Variants in DCC observed in about 807,000 individuals in gnomAD.
The protein encoded by DCC is netrin receptor DCC.
A neutral mutation model predicts 172.5 loss-of-function variants in DCC; 58 were observed. The ratio of observed to expected loss-of-function variants is 0.34; its 90% CI spans 0.27 to 0.42. The LOEUF (loss-of-function observed/expected upper bound fraction) is 0.42. DCC is among the 10% of genes least tolerant of loss of function. The probability of loss-of-function intolerance (pLI) is 1.00; values close to 1 mark genes in which losing one functional copy is unlikely to be tolerated. For missense variants in DCC, 1,740 were observed against 1,791.0 expected (o/e 0.97, Z 0.51); for synonymous variants, 709 against 644.5 (o/e 1.10, Z -1.52).
chr18:53,242,636 A>T (rs1462020699), intron 12 of DCC, among the ~76,000 whole-genome samples: 70 of 152,294 alleles, frequency 4.6e-4, no homozygotes, highest in African/African-American at 1.7e-3. Context: ...AACCAAATAA[A>T]TGCAAGAAAG....
At chr18:52,976,410 GA>G in intron 5 of DCC, among the ~76,000 whole-genome samples, 2 of 152,196 alleles carry the variant, frequency 1.3e-5, no homozygotes, top group Admixed American at 1.3e-4. Flanking sequence ...TCTTTGTCAT[GA>G]AATATTTTCC....
In DCC at chr18:52,942,739, A is replaced by G. The variant is rs148683208; in HGVS notation, c.985+17369A>G. Among the ~76,000 whole-genome samples, 322 of 152,254 alleles carry G rather than the reference A, an allele frequency of 2.1e-3. 1 individual carries two copies. The highest frequency in any genetic ancestry group is 7.4e-3 in the African/African-American group (306 of 41,550). ...TATCTCCCGCCAGGTCCCTCCCACAACATGTAGGAATTATGGAAGTACAAT... is the reference window on the plus strand; with the variant it reads ...TATCTCCCGCCAGGTCCCTCCCACAGCATGTAGGAATTATGGAAGTACAAT... On this transcript the variant is annotated intron_variant, in intron 5 of 28. Coordinates refer to ENST00000442544, the MANE Select transcript of DCC (RefSeq NM_005215.4).
intron 1 of DCC, among the ~76,000 whole-genome samples, chr18:52,388,770 G>A (rs554818010): frequency 6.6e-6 from 1 of 152,222 alleles, no homozygotes; most frequent in South Asian, 2.1e-4. Flanking sequence ...TAGGGGATGA[G>A]TATATTTTGG....
At chr18:53,270,538 T>C (rs2056737239) in intron 12 of DCC, among the ~76,000 whole-genome samples, 1 of 152,154 alleles carries the variant, frequency 6.6e-6, no homozygotes, top group Non-Finnish European at 1.5e-5. Flanking sequence ...GATACAAATG[T>C]CAATTTGCTT....
At chr18:53,090,043 A>G (rs966346196) in intron 7 of DCC, among the ~76,000 whole-genome samples, 5 of 152,080 alleles carry the variant, frequency 3.3e-5, no homozygotes, top group African/African-American at 1.2e-4. Context: ...TTGGCACACT[A>G]TTTTGTCCTC....
At chr18:53,416,325 G>A (rs1417200253) in intron 21 of DCC, 169 bp downstream of exon 21, 1 of 706,488 alleles carries the variant, frequency 1.4e-6, no homozygotes, top group Non-Finnish European at 2.6e-6. Context: ...TGAGGCTGCG[G>A]CTCTGATAAG....
At chr18:52,608,029 T>A (rs1953960922) in intron 1 of DCC, among the ~76,000 whole-genome samples, 1 of 152,102 alleles carries the variant, frequency 6.6e-6, no homozygotes, top group Non-Finnish European at 1.5e-5. Context: ...TTCAAGGATT[T>A]TTTTTTCCTA....
intron 25 of DCC, among the ~76,000 whole-genome samples, chr18:53,469,101 C>G (rs1205908728): frequency 6.6e-6 from 1 of 152,174 alleles, no homozygotes; most frequent in East Asian, 1.9e-4. Context: ...GACCTCCAAT[C>G]CATTAACTCT....
intron 22 of DCC, among the ~76,000 whole-genome samples, chr18:53,445,051 A>T (rs919769702): frequency 6.6e-6 from 1 of 152,222 alleles, no homozygotes; most frequent in East Asian, 1.9e-4. Context: ...AAAAATCCAA[A>T]TTTTTTTAAA....
chr18:52,529,795 CCTT>C (rs2032093122), intron 1 of DCC, among the ~76,000 whole-genome samples: 1 of 152,182 alleles, frequency 6.6e-6, no homozygotes, highest in South Asian at 2.1e-4. Context: ...TTCTTATCCA[CCTT>C]CTTATCTCTC....
At chr18:52,804,759 T>C (rs1280208155) in intron 2 of DCC, among the ~76,000 whole-genome samples, 2 of 152,272 alleles carry the variant, frequency 1.3e-5, no homozygotes, top group African/African-American at 2.4e-5. Flanking sequence ...AATTTTTGTA[T>C]TTTTAGTAGA....
chr18:53,106,331 C>G (rs907263706), intron 7 of DCC, among the ~76,000 whole-genome samples: 6 of 151,838 alleles, frequency 4.0e-5, no homozygotes, highest in African/African-American at 1.5e-4. Context: ...GGTTCTTGCT[C>G]GCATTTGGGA....
chr18:53,153,738 A>G (rs879633554), intron 7 of DCC, among the ~76,000 whole-genome samples: 2 of 152,166 alleles, frequency 1.3e-5, no homozygotes, highest in Admixed American at 1.3e-4. Flanking sequence ...CCAAGAGGGA[A>G]AGTAGGAGTT....
At chr18:53,279,026 C>T (rs1395445272) in intron 12 of DCC, among the ~76,000 whole-genome samples, 1 of 152,178 alleles carries the variant, frequency 6.6e-6, no homozygotes, top group African/African-American at 2.4e-5. Flanking sequence ...ACAGTCCCAC[C>T]AACAGCGTAA....
chr18:53,049,257 A>T (rs935113349), intron 5 of DCC, among the ~76,000 whole-genome samples: 1 of 152,020 alleles, frequency 6.6e-6, no homozygotes, highest in Non-Finnish European at 1.5e-5. Flanking sequence ...AATCTTTGCC[A>T]GGTCCTATGT....
At chr18:52,989,245 G>A (rs1256297347) in intron 5 of DCC, among the ~76,000 whole-genome samples, 2 of 152,158 alleles carry the variant, frequency 1.3e-5, no homozygotes, top group African/African-American at 2.4e-5. Flanking sequence ...TTCCTTGGCT[G>A]GGTGTGGTGG....
At chr18:52,499,298 T>A (rs1003744319) in intron 1 of DCC, among the ~76,000 whole-genome samples, 1 of 152,146 alleles carries the variant, frequency 6.6e-6, no homozygotes, top group Non-Finnish European at 1.5e-5. Flanking sequence ...GATTACAGGA[T>A]CCTTATGCAT....
At chr18:52,949,045 A>C (rs1204508429) in intron 5 of DCC, among the ~76,000 whole-genome samples, 1 of 152,190 alleles carries the variant, frequency 6.6e-6, no homozygotes, top group Non-Finnish European at 1.5e-5. Flanking sequence ...AGTCACAGAT[A>C]TCAGGTTTTT....
chr18:52,876,342 T>G (rs2145394361), intron 2 of DCC, among the ~76,000 whole-genome samples: 1 of 152,220 alleles, frequency 6.6e-6, no homozygotes, highest in Middle Eastern at 3.4e-3. Context: ...TAAATGCCAT[T>G]TAGAGTTGTA....
Sources: gnomAD v4.1 joint callset for allele counts (sites outside exome capture counted in the v4.1 genomes callset) on GRCh38, gnomAD v4.1.1 for gene constraint, MANE v1.5 for transcripts, NCBI Gene and HGNC (gene_info 2026-07-23, HGNC 2026-07-21) for gene names.